The following PHLPP1 variants were observed in gnomAD, a reference collection of about 807,000 sequenced individuals.
The protein encoded by PHLPP1 is PH domain leucine-rich repeat-containing protein phosphatase 1.
Under a neutral mutation model 117.2 loss-of-function variants are expected in PHLPP1, and 42 were observed. That is an observed-to-expected ratio of 0.36 (90% CI 0.28 to 0.46). The LOEUF is 0.46. Ranked by LOEUF, PHLPP1 falls within the 20% of genes least tolerant of loss-of-function variation. The pLI is 1.00. For synonymous variants in PHLPP1, 1,042 were observed against 970.7 expected (o/e 1.07, Z -1.37); for missense variants, 2,084 against 2,241.9 (o/e 0.93, Z 1.42).
At position 62,978,119 on chromosome 18, in the gene PHLPP1, G is replaced by A. The variant is rs1910354689; in HGVS notation, c.3985-143G>A. ...GTGCACATTAACTACTCACTACAGA[G>A]TGAGCCCTTCTTTCCTCTGTGGGCC... On this transcript the variant is annotated intron_variant, in intron 16 of 16. Coordinates refer to ENST00000262719, the MANE Select transcript of PHLPP1 (RefSeq NM_194449.4). This position sits in a 1 kb window ranked among gnomAD's most constrained non-coding sequence, Gnocchi z 7.0. 2 of 601,934 alleles carry A rather than the reference G, an allele frequency of 3.3e-6. No homozygotes were observed. The highest frequency in any genetic ancestry group is 5.5e-5 in the East Asian group (2 of 36,152). The allele number at this position is 601,934 out of a possible 1,614,324, so 37.3% of individuals were successfully genotyped here.
intron 14 of PHLPP1, among the ~76,000 whole-genome samples, chr18:62,970,787 G>A (rs1252029253): frequency 6.6e-6 from 1 of 151,972 alleles, no homozygotes; most frequent in African/African-American, 2.4e-5. Context: ...AACAAAAAAT[G>A]AGGAAATGTT....
intron 11 of PHLPP1, among the ~76,000 whole-genome samples, chr18:62,942,384 C>CA (rs1202486935): frequency 6.6e-6 from 1 of 151,848 alleles, no homozygotes; most frequent in East Asian, 1.9e-4. Flanking sequence ...ATAAAGTTTC[C>CA]AAAAACATTA....
chr18:62,800,335 T>A (rs1365160019), intron 1 of PHLPP1, among the ~76,000 whole-genome samples: 1 of 152,228 alleles, frequency 6.6e-6, no homozygotes, highest in South Asian at 2.1e-4. Context: ...ATTAACGCTT[T>A]AGAGTTTGTG....
chr18:62,936,620 T>C (rs1015132063), intron 10 of PHLPP1, among the ~76,000 whole-genome samples: 1 of 152,206 alleles, frequency 6.6e-6, no homozygotes, highest in Non-Finnish European at 1.5e-5. Flanking sequence ...GCCTCACATA[T>C]ATCCTGATGT....
At chr18:62,779,779 T>C (rs1388019167) in intron 1 of PHLPP1, among the ~76,000 whole-genome samples, 1 of 152,208 alleles carries the variant, frequency 6.6e-6, no homozygotes, top group Admixed American at 6.5e-5. Context: ...ACTCTTCTTT[T>C]GGTTTTAAGT....
At chr18:62,775,610 A>G (rs571094455) in intron 1 of PHLPP1, among the ~76,000 whole-genome samples, 9 of 152,352 alleles carry the variant, frequency 5.9e-5, no homozygotes, top group Non-Finnish European at 1.2e-4. Context: ...AGGTAAATCC[A>G]CTTCAGCACG....
intron 4 of PHLPP1, among the ~76,000 whole-genome samples, chr18:62,870,991 A>G (rs566449601): frequency 1.3e-5 from 2 of 152,254 alleles, no homozygotes; most frequent in East Asian, 3.9e-4. Flanking sequence ...ATGTGTCACT[A>G]ATAACTATAA....
intron 8 of PHLPP1, among the ~76,000 whole-genome samples, chr18:62,905,948 T>C (rs1916838670): frequency 6.6e-6 from 1 of 151,966 alleles, no homozygotes; most frequent in African/African-American, 2.4e-5. Flanking sequence ...ACAGTATGTA[T>C]TTATACCACG....
intron 12 of PHLPP1, among the ~76,000 whole-genome samples, chr18:62,954,305 G>C (rs764746525): frequency 6.6e-6 from 1 of 152,122 alleles, no homozygotes; most frequent in Non-Finnish European, 1.5e-5. Context: ...TTTTCTTTTA[G>C]TCGTGTTTTA....
At chr18:62,898,925 A>C (rs1256572707) in intron 6 of PHLPP1, among the ~76,000 whole-genome samples, 5 of 151,808 alleles carry the variant, frequency 3.3e-5, no homozygotes, top group Non-Finnish European at 7.4e-5. Flanking sequence ...CAGCCTCCCA[A>C]GTAACTGGGA....
At chr18:62,797,356 T>C (rs1346275445) in intron 1 of PHLPP1, among the ~76,000 whole-genome samples, 1 of 152,216 alleles carries the variant, frequency 6.6e-6, no homozygotes, top group Non-Finnish European at 1.5e-5. Flanking sequence ...GCCCAAGATA[T>C]ATCCATGTGT....
At chr18:62,834,925 G>C (rs902340182) in intron 2 of PHLPP1, among the ~76,000 whole-genome samples, 1 of 150,842 alleles carries the variant, frequency 6.6e-6, no homozygotes, top group African/African-American at 2.4e-5. Context: ...CTGTCAATTT[G>C]TTTACACAGC....
chr18:62,837,341 A>G (rs1299372333), intron 2 of PHLPP1, among the ~76,000 whole-genome samples: 16 of 152,122 alleles, frequency 1.1e-4, no homozygotes, highest in Admixed American at 8.5e-4. Flanking sequence ...TATTGGTAAA[A>G]CATATTTTTT....
intron 1 of PHLPP1, among the ~76,000 whole-genome samples, chr18:62,767,980 A>G (rs1912608853): frequency 6.6e-6 from 1 of 152,204 alleles, no homozygotes; most frequent in Admixed American, 6.5e-5. Context: ...TAACTGTAGC[A>G]AAGAGAGTTG....
chr18:62,919,059 T>G (rs898906761), intron 9 of PHLPP1, among the ~76,000 whole-genome samples: 11 of 152,200 alleles, frequency 7.2e-5, no homozygotes, highest in Non-Finnish European at 1.3e-4. Context: ...GGAAGCCTCA[T>G]TCTTTGACAG....
intron 3 of PHLPP1, among the ~76,000 whole-genome samples, chr18:62,848,232 G>T (rs1915229315): frequency 6.6e-6 from 1 of 152,050 alleles, no homozygotes; most frequent in African/African-American, 2.4e-5. Context: ...AGCCCTAAAA[G>T]AAAATATTTT....
chr18:62,767,331 T>G (rs532331270), intron 1 of PHLPP1, among the ~76,000 whole-genome samples: 1 of 152,348 alleles, frequency 6.6e-6, no homozygotes, highest in African/African-American at 2.4e-5. Context: ...TAATGAACAG[T>G]GGGAAATGTG....
At chr18:62,786,737 AT>A (rs2144284841) in intron 1 of PHLPP1, among the ~76,000 whole-genome samples, 1 of 152,322 alleles carries the variant, frequency 6.6e-6, no homozygotes, top group South Asian at 2.1e-4. Flanking sequence ...TAGTAGAATG[AT>A]TTTGGTAAAA....
chr18:62,854,558 A>G lies in PHLPP1; in HGVS notation c.1900-5877A>G, dbSNP rs148212763. 4.6e-5 allele frequency among the ~76,000 whole-genome samples: 7 copies of G among 152,320 alleles called. No homozygotes were observed. The East Asian group carries it at 1.2e-3, about 25-fold the overall frequency. ...GGCTTAAACATATCCTGAGGAGTAC[A>G]TCTAATTTTCTTTGCTGTAGTTATG... is the stretch of plus-strand genomic sequence containing the variant. On this transcript the variant is annotated intron_variant, in intron 3 of 16. Transcript: ENST00000262719.
Sources: gnomAD v4.1 joint callset for allele counts (sites outside exome capture counted in the v4.1 genomes callset) on GRCh38, gnomAD v4.1.1 for gene constraint, Gnocchi (gnomAD v3.1) non-coding constraint, MANE v1.5 for transcripts, NCBI Gene and HGNC (gene_info 2026-07-23, HGNC 2026-07-21) for gene names.